The following SGCZ variants were observed in gnomAD, a reference collection of about 807,000 sequenced individuals.
SGCZ encodes zeta-sarcoglycan.
SGCZ carries 40 observed loss-of-function variants against 41.3 expected under a neutral mutation model. The ratio of observed to expected loss-of-function variants is 0.97; its 90% CI spans 0.75 to 1.26. The LOEUF is 1.26. SGCZ is among the 50% of genes most tolerant of loss of function. SGCZ has a pLI of 0.00. For synonymous variants in SGCZ, 206 were observed against 137.5 expected (o/e 1.50, Z -3.49); for missense variants, 552 against 369.8 (o/e 1.49, Z -4.04).
chr8:15,097,734 A>AT (rs201154083), intron 1 of SGCZ, among the ~76,000 whole-genome samples: 10,669 of 127,366 alleles, frequency 0.084, 507 homozygotes, highest in South Asian at 0.1. Flanking sequence ...ATAAAAAAAA[A>AT]AATATATATA....
chr8:14,572,587 G>A (rs982788680), intron 1 of SGCZ, among the ~76,000 whole-genome samples: 1 of 152,140 alleles, frequency 6.6e-6, no homozygotes, highest in Non-Finnish European at 1.5e-5. Flanking sequence ...AGAACTAGCA[G>A]GGGCAGGAGA....
intron 3 of SGCZ, among the ~76,000 whole-genome samples, chr8:14,244,978 T>G (rs967885728): frequency 2.0e-5 from 3 of 152,132 alleles, no homozygotes; most frequent in Non-Finnish European, 4.4e-5. Context: ...GCTTATCAGC[T>G]TAAGGAGATT....
chr8:14,299,449 C>T (rs1024307763), intron 3 of SGCZ, among the ~76,000 whole-genome samples: 1 of 151,732 alleles, frequency 6.6e-6, no homozygotes, highest in African/African-American at 2.4e-5. Flanking sequence ...ATAAACAATT[C>T]CTACAAATTA....
At chr8:14,942,194 G>A (rs146875474) in intron 1 of SGCZ, among the ~76,000 whole-genome samples, 12 of 152,054 alleles carry the variant, frequency 7.9e-5, no homozygotes, top group East Asian at 7.7e-4. Flanking sequence ...CTCAGTCCCC[G>A]TACAGAAAAG....
intron 2 of SGCZ, among the ~76,000 whole-genome samples, chr8:14,448,174 C>T (rs1353133934): frequency 2.0e-5 from 3 of 152,196 alleles, no homozygotes; most frequent in Middle Eastern, 3.2e-3. Flanking sequence ...ACTCTAAACG[C>T]TCTTGCTACT....
At chr8:14,775,667 G>C (rs371993202) in intron 1 of SGCZ, among the ~76,000 whole-genome samples, 3 of 152,284 alleles carry the variant, frequency 2.0e-5, no homozygotes, top group African/African-American at 4.8e-5. Flanking sequence ...AGAGAAGTAA[G>C]TGTGGTTTGG....
chr8:14,275,957 C>T (rs1800213359), intron 3 of SGCZ, among the ~76,000 whole-genome samples: 1 of 152,222 alleles, frequency 6.6e-6, no homozygotes, highest in Admixed American at 6.5e-5. Flanking sequence ...CCTTTTAAAT[C>T]TCTCAGGCTG....
At chr8:15,217,406 G>C (rs940483159) in intron 1 of SGCZ, among the ~76,000 whole-genome samples, 9 of 119,574 alleles carry the variant, frequency 7.5e-5, no homozygotes, top group African/African-American at 2.7e-4. Context: ...GACACAGCGA[G>C]ACTCCGTCTC....
At chr8:14,676,880 A>G (rs1808295206) in intron 1 of SGCZ, among the ~76,000 whole-genome samples, 1 of 152,206 alleles carries the variant, frequency 6.6e-6, no homozygotes, top group Admixed American at 6.5e-5. Context: ...AGAAACTACC[A>G]GATTTACTGC....
intron 1 of SGCZ, among the ~76,000 whole-genome samples, chr8:14,882,068 A>G (rs569212735): frequency 6.6e-6 from 1 of 152,362 alleles, no homozygotes; most frequent in Admixed American, 6.5e-5. Context: ...GGGACGCAGC[A>G]AAAGCAGTGT....
intron 1 of SGCZ, among the ~76,000 whole-genome samples, chr8:15,173,685 G>A (rs909660301): frequency 6.6e-6 from 1 of 152,120 alleles, no homozygotes; most frequent in African/African-American, 2.4e-5. Context: ...TCTATGTCTT[G>A]TAAAGTTGGA....
At chr8:14,768,918 G>C (rs1401658186) in intron 1 of SGCZ, among the ~76,000 whole-genome samples, 1 of 151,926 alleles carries the variant, frequency 6.6e-6, no homozygotes, top group Non-Finnish European at 1.5e-5. Context: ...CGAATATCCA[G>C]AAATGGAACT....
chr8:14,595,732 ATAAAT>A (rs1290904315), intron 1 of SGCZ, among the ~76,000 whole-genome samples: 1 of 152,194 alleles, frequency 6.6e-6, no homozygotes, highest in Non-Finnish European at 1.5e-5. Flanking sequence ...AGGGAAAAAA[ATAAAT>A]TAAACAACAA....
chr8:15,127,261 A>AAC (rs376177614), intron 1 of SGCZ, among the ~76,000 whole-genome samples: 189 of 55,430 alleles, frequency 3.4e-3, no homozygotes, highest in African/African-American at 0.013. Flanking sequence ...CACACAAACA[A>AAC]ACACACACAC....
intron 1 of SGCZ, among the ~76,000 whole-genome samples, chr8:14,982,170 A>G (rs1801687540): frequency 6.6e-6 from 1 of 151,992 alleles, no homozygotes; most frequent in Non-Finnish European, 1.5e-5. Flanking sequence ...AAAAAAAAAA[A>G]AAGGAAATGA....
intron 1 of SGCZ, among the ~76,000 whole-genome samples, chr8:14,557,704 T>C (rs1194308232): frequency 6.6e-6 from 1 of 152,048 alleles, no homozygotes; most frequent in Non-Finnish European, 1.5e-5. Flanking sequence ...CTTCGTGTTT[T>C]TGTTTGCTTT....
intron 2 of SGCZ, among the ~76,000 whole-genome samples, chr8:14,493,814 T>C (rs1209703995): frequency 6.6e-6 from 1 of 152,168 alleles, no homozygotes; most frequent in Non-Finnish European, 1.5e-5. Context: ...CTTTCCTCCG[T>C]AGTGGGATTA....
At chr8:15,203,684 A>G (rs1230801155) in intron 1 of SGCZ, among the ~76,000 whole-genome samples, 3 of 152,236 alleles carry the variant, frequency 2.0e-5, no homozygotes, top group Non-Finnish European at 4.4e-5. Context: ...AAATAAATGA[A>G]TGGCCAAGAC....
chr8:14,982,903 C>T (rs375733720), intron 1 of SGCZ, among the ~76,000 whole-genome samples: 51 of 152,274 alleles, frequency 3.3e-4, no homozygotes, highest in African/African-American at 1.2e-3. Context: ...TGCCATTTTG[C>T]TATATGGCAT....
Sources: gnomAD v4.1 joint callset for allele counts (sites outside exome capture counted in the v4.1 genomes callset) on GRCh38, gnomAD v4.1.1 for gene constraint, MANE v1.5 for transcripts, NCBI Gene and HGNC (gene_info 2026-07-23, HGNC 2026-07-21) for gene names.